TTC39A: variants seen among roughly 807,000 people sequenced by gnomAD.
TTC39A encodes tetratricopeptide repeat domain 39A.
Under a neutral mutation model 82.3 loss-of-function variants are expected in TTC39A, and 46 were observed. That is an observed-to-expected ratio of 0.56 (90% CI 0.44 to 0.71). The LOEUF (loss-of-function observed/expected upper bound fraction) is 0.71, where lower values mean the gene tolerates loss of function less well. TTC39A is among the 30% of genes least tolerant of loss of function. TTC39A has a pLI of 0.00. For missense variants in TTC39A, 543 were observed against 712.9 expected (o/e 0.76, Z 2.71); for synonymous variants, 254 against 275.2 (o/e 0.92, Z 0.76).
chr1:51,335,904 A>T (rs1645968739), upstream of TTC39A, among the ~76,000 whole-genome samples: 1 of 152,120 alleles, frequency 6.6e-6, no homozygotes, highest in African/African-American at 2.4e-5. Flanking sequence ...TAAACCTGGG[A>T]TAATAATCCC....
rs768559789 is a variant in TTC39A, at chr1:51,290,629, A to C, written c.1267-4T>G. On this transcript the variant is annotated splice_polypyrimidine_tract_variant and splice_region_variant and intron_variant, in intron 14 of 17. Coordinates refer to ENST00000680483, the MANE Select transcript of TTC39A (RefSeq NM_001297663.2). The stretch of plus-strand genomic sequence containing the variant: ...CGTTCCAGATGTACATCATTTCCTG[A>C]AGGCAGGGGGGCAAGTCAGTCCTAG... 46 of 1,611,070 alleles carry C rather than the reference A, an allele frequency of 2.9e-5. No homozygotes were observed. Among genetic ancestry groups the C allele is most frequent in the Non-Finnish European group, 3.8e-5 (45 of 1,178,644 alleles).
chr1:51,294,808 C>T lies in TTC39A; in HGVS notation c.1146-297G>A, dbSNP rs146860013. On this transcript the variant is annotated intron_variant, in intron 13 of 17. Transcript: ENST00000680483. This position sits in a 1 kb window ranked among gnomAD's most constrained non-coding sequence, Gnocchi z 4.3. The stretch of plus-strand genomic sequence containing the variant: ...TGGGCCGGCCCTGCCTCCTAGTTAT[C>T]GCCTCCACTCCCAGGCTCCATTTCT... Among the ~76,000 whole-genome samples, 777 of 152,300 alleles carry T rather than the reference C, an allele frequency of 5.1e-3. 9 individuals carry two copies. Among genetic ancestry groups the T allele is most frequent in the African/African-American group, 8.0e-3 (334 of 41,568 alleles).
At chr1:51,327,816 C>A (rs1270185211) in intron 1 of TTC39A, among the ~76,000 whole-genome samples, 1 of 151,758 alleles carries the variant, frequency 6.6e-6, no homozygotes, top group Non-Finnish European at 1.5e-5. Context: ...CCTGCCTCAG[C>A]CTCCCGAGTA....
At chr1:51,322,258 G>T (rs892509555) in intron 1 of TTC39A, 26 of 1,470,480 alleles carry the variant, frequency 1.8e-5, no homozygotes, top group Non-Finnish European at 2.2e-5. Flanking sequence ...CCTCCCCCAG[G>T]CCTGGACTCT....
intron 12 of TTC39A, 44 bp from the exon 13 acceptor site, chr1:51,296,214 C>T: frequency 6.5e-7 from 1 of 1,547,836 alleles, no homozygotes. Flanking sequence ...AGCCCTCCTC[C>T]AGCCCCAGCC....
chr1:51,303,059 G>A (rs1644734615), intron 9 of TTC39A, 25 bp downstream of exon 9: 1 of 1,559,404 alleles, frequency 6.4e-7, no homozygotes, highest in South Asian at 1.2e-5. Context: ...AAACCCCAGG[G>A]CCCCAGGTCC....
upstream of TTC39A, among the ~76,000 whole-genome samples, chr1:51,333,186 T>C (rs1008384624): frequency 7.6e-6 from 1 of 131,346 alleles, no homozygotes; most frequent in African/African-American, 2.9e-5. Flanking sequence ...CACTCCAGCC[T>C]GGGTTAACAA....
chr1:51,325,854 G>A (rs1220349164), intron 1 of TTC39A: 1 of 152,282 alleles, frequency 6.6e-6, no homozygotes, highest in African/African-American at 2.4e-5. Context: ...TCTACCTGGA[G>A]AGAAAGATCC....
At chr1:51,320,484 C>T (rs1645469238) in intron 2 of TTC39A, among the ~76,000 whole-genome samples, 1 of 131,480 alleles carries the variant, frequency 7.6e-6, no homozygotes, top group Non-Finnish European at 1.5e-5. Flanking sequence ...CAGTGGTGCA[C>T]AAGATCACAG....
intron 2 of TTC39A, among the ~76,000 whole-genome samples, chr1:51,318,087 C>T (rs1482451890): frequency 2.0e-5 from 3 of 152,212 alleles, no homozygotes; most frequent in Admixed American, 6.5e-5. Context: ...CTTCTGTTGG[C>T]CCCAAGTCTG....
At chr1:51,305,001 G>A in intron 8 of TTC39A, 80 bp downstream of exon 8, 1 of 1,502,670 alleles carries the variant, frequency 6.7e-7, no homozygotes, top group Non-Finnish European at 9.2e-7. Flanking sequence ...AGGCCCTGTG[G>A]CCTGTCAGCC....
At chr1:51,333,861 G>A (rs72694112), upstream of TTC39A, among the ~76,000 whole-genome samples, 1,198 of 152,290 alleles carry the variant, frequency 7.9e-3, 5 homozygotes, top group Non-Finnish European at 0.013. Flanking sequence ...GCGGGGCCTA[G>A]CACTTTACAA....
intron 11 of TTC39A, 184 bp from the exon 12 acceptor site, chr1:51,301,917 C>A: frequency 1.3e-6 from 1 of 764,172 alleles, no homozygotes; most frequent in South Asian, 1.8e-5. Context: ...GTTTTACCTC[C>A]TAAGTCTTAC....
chr1:51,288,820 G>A lies in TTC39A; in HGVS notation c.1610+19C>T. 2 of 1,581,080 alleles carry A rather than the reference G, an allele frequency of 1.3e-6. No homozygotes were observed. Among genetic ancestry groups the A allele is most frequent in the East Asian group, 4.6e-5 (2 of 43,762 alleles). On this transcript the variant is annotated intron_variant, in intron 17 of 17. Transcript: ENST00000680483. The surrounding 1 kb of genome is among the most constrained non-coding windows in gnomAD (Gnocchi z 4.8). ...GTTCAGAGGGAGCAAAGGACAGACT[G>A]AGGTTACCCAAGCCTTACTTGGCAG... is the stretch of plus-strand genomic sequence containing the variant.
chr1:51,342,801 G>T (rs1245046288), intron 1 of TTC39A, among the ~76,000 whole-genome samples: 1 of 152,144 alleles, frequency 6.6e-6, no homozygotes, highest in African/African-American at 2.4e-5. Flanking sequence ...CCCACTGGGG[G>T]ATGCAGAGGC....
At chr1:51,312,542 G>T (rs72906159) in intron 3 of TTC39A, among the ~76,000 whole-genome samples, 2,761 of 152,108 alleles carry the variant, frequency 0.018, 91 homozygotes, top group African/African-American at 0.064. Context: ...ATGTCTCTTC[G>T]TGTCCAGCCT....
intron 12 of TTC39A, chr1:51,300,218 C>G (rs1269673461): frequency 6.6e-6 from 1 of 152,294 alleles, no homozygotes; most frequent in African/African-American, 2.4e-5. Context: ...GAGATAATAA[C>G]TTCTCCTCAC....
chr1:51,330,703 T>C (rs771433238), upstream of TTC39A: 11 of 887,528 alleles, frequency 1.2e-5, no homozygotes, highest in Non-Finnish European at 1.5e-5. This position sits in a 1 kb window ranked among gnomAD's most constrained non-coding sequence, Gnocchi z 4.5. Context: ...CGCCGGGGGT[T>C]CTGGGCGGCC....
intron 7 of TTC39A, chr1:51,305,706 G>C: frequency 1.9e-6 from 1 of 516,100 alleles, no homozygotes; most frequent in East Asian, 3.4e-5. Flanking sequence ...GTCGGGTGCT[G>C]TGAAGGTTCC....
Sources: gnomAD v4.1 joint callset for allele counts (sites outside exome capture counted in the v4.1 genomes callset) on GRCh38, gnomAD v4.1.1 for gene constraint, Gnocchi (gnomAD v3.1) non-coding constraint, MANE v1.5 for transcripts, NCBI Gene and HGNC (gene_info 2026-07-23, HGNC 2026-07-21) for gene names.